CHD1L: variants seen among roughly 807,000 people sequenced by gnomAD.
CHD1L encodes chromodomain helicase DNA binding protein 1 like, also known as ATP-dependent chromatin remodeler CHD1L.
In CHD1L, 118 loss-of-function variants were observed where a neutral mutation model predicts 115.9. The ratio of observed to expected loss-of-function variants is 1.02; its 90% confidence interval spans 0.88 to 1.19. The LOEUF is 1.19. Ranked by LOEUF, CHD1L falls within the 50% of genes most tolerant of loss-of-function variation. The pLI is 0.00. For synonymous variants in CHD1L, 411 were observed against 387.1 expected (o/e 1.06, Z -0.72); for missense variants, 1,179 against 1,065.3 (o/e 1.11, Z -1.49).
Position 147,293,702 on chromosome 1 carries a change from TAGC to T in CHD1L, c.2491_2493del (p.Ala831del). On this transcript the variant is annotated inframe_deletion, in exon 21 of 23. Coordinates refer to ENST00000369258, the MANE Select transcript of CHD1L (RefSeq NM_004284.6). The stretch of plus-strand genomic sequence containing the variant: ...GAAGAGGGCCTGAAGAAGATATTTT[TAGC>T]AGCAAAAAAGAAGAAAGGTAAGCTC... The T allele has an allele frequency of 6.2e-7, 1 of 1,613,942 alleles. No individual in the cohort carries two copies. The highest frequency in any genetic ancestry group is 8.5e-7 in the Non-Finnish European group (1 of 1,179,842).
At chr1:147,203,813 G>A in the CHD1L span, 9 of 1,553,372 alleles carry the variant, frequency 5.8e-6, no homozygotes, top group Admixed American at 1.7e-5. Context: ...AAGTACTATG[G>A]TAGAAATGAT....
the CHD1L span, among the ~76,000 whole-genome samples, chr1:147,191,715 A>G: frequency 6.6e-6 from 1 of 151,674 alleles, no homozygotes; most frequent in Non-Finnish European, 1.5e-5. Context: ...ATCCAGTTTC[A>G]GCTTTCTACA....
the CHD1L span, chr1:147,203,249 A>C: frequency 7.8e-7 from 1 of 1,280,588 alleles, no homozygotes; most frequent in Non-Finnish European, 1.1e-6. Context: ...TACAGCCTTC[A>C]CCTACAGTAA....
chr1:147,273,068 T>C (rs765498734), intron 12 of CHD1L, among the ~76,000 whole-genome samples: 4 of 152,086 alleles, frequency 2.6e-5, no homozygotes, highest in Non-Finnish European at 4.4e-5. Context: ...CTGGATGTAG[T>C]GGTGCGTGCC....
At chr1:147,184,367 C>T in the CHD1L span, 2 of 1,046,598 alleles carry the variant, frequency 1.9e-6, no homozygotes, top group East Asian at 3.1e-5. This position sits in a 1 kb window ranked among gnomAD's most constrained non-coding sequence, Gnocchi z 4.4. Context: ...TTTGTCACAA[C>T]TAATAAACCA....
At chr1:147,293,548 C>A in intron 20 of CHD1L, 60 bp from the exon 21 acceptor site, 1 of 1,437,266 alleles carries the variant, frequency 7.0e-7, no homozygotes, top group Non-Finnish European at 9.8e-7. Context: ...CATGGGCGGT[C>A]ACTTGGTTGA....
intron 8 of CHD1L, among the ~76,000 whole-genome samples, chr1:147,266,827 CATT>C (rs1674114373): frequency 6.6e-6 from 1 of 152,174 alleles, no homozygotes; most frequent in Admixed American, 6.5e-5. Flanking sequence ...CTGTCTGTGA[CATT>C]GTGAATAGAA....
rs368838337 is a variant in CHD1L, at chr1:147,284,477, G to A, written c.1832G>A (p.Arg611Gln). The A allele has an allele frequency of 1.0e-5, 16 of 1,602,784 alleles. No individual in the cohort carries two copies. In the African/African-American group the frequency reaches 1.1e-4, roughly 11 times the overall value. Residue 611 changes from arginine to glutamine, a missense_variant, in exon 16 of 23, where the codon CGA becomes CAA. Physicochemically the swap from Arg to Gln is conservative, Grantham distance 43. Transcript: ENST00000369258. ...TLLEKASQEG[R>Q]SLRNKGSVLI... ...TTGGAGAAAGCTAGTCAAGAGGGCCGATCACTCCGAAATAAAGGCAGTGTA... is the reference window on the plus strand; with the variant it reads ...TTGGAGAAAGCTAGTCAAGAGGGCCAATCACTCCGAAATAAAGGCAGTGTA...
intron 7 of CHD1L, 27 bp downstream of exon 7, chr1:147,264,611 C>G: frequency 2.5e-6 from 4 of 1,609,156 alleles, no homozygotes; most frequent in Non-Finnish European, 3.4e-6. Flanking sequence ...CAAATCATCC[C>G]CAAGAAGCCT....
At chr1:147,254,354 C>T (rs952748029) in intron 2 of CHD1L, among the ~76,000 whole-genome samples, 7 of 151,994 alleles carry the variant, frequency 4.6e-5, no homozygotes, top group African/African-American at 7.3e-5. Flanking sequence ...AAATAGAAGA[C>T]ACCCTGTAAA....
the CHD1L span, among the ~76,000 whole-genome samples, chr1:147,177,337 T>C: frequency 2.0e-5 from 3 of 152,136 alleles, no homozygotes; most frequent in Admixed American, 2.0e-4. Context: ...AATTATAAAA[T>C]AAGATCCATG....
the CHD1L span, among the ~76,000 whole-genome samples, chr1:147,200,996 C>G: frequency 6.6e-6 from 1 of 152,170 alleles, no homozygotes; most frequent in Non-Finnish European, 1.5e-5. Context: ...TAAATTGCTA[C>G]TTTAGATTCA....
chr1:147,267,297 G>A (rs1674305556), intron 8 of CHD1L, 129 bp from the exon 9 acceptor site: 1 of 553,122 alleles, frequency 1.8e-6, no homozygotes, highest in Non-Finnish European at 3.1e-6. Flanking sequence ...GTGAAATTTG[G>A]GAGGTTAGTA....
chr1:147,185,881 C>T, the CHD1L span, among the ~76,000 whole-genome samples: 1 of 152,130 alleles, frequency 6.6e-6, no homozygotes, highest in African/African-American at 2.4e-5. Flanking sequence ...ATTTCATTTG[C>T]TCTGTTTTTC....
the CHD1L span, among the ~76,000 whole-genome samples, chr1:147,206,028 G>A: frequency 0.016 from 2,390 of 151,304 alleles, 68 homozygotes; most frequent in African/African-American, 0.054. Context: ...CTGACAAAGG[G>A]CTAATATCCA....
intron 21 of CHD1L, among the ~76,000 whole-genome samples, chr1:147,294,010 A>G (rs1686623923): frequency 1.3e-5 from 2 of 152,208 alleles, no homozygotes; most frequent in South Asian, 4.1e-4. Context: ...GGTCATATGT[A>G]GTTGGTAAAT....
the CHD1L span, among the ~76,000 whole-genome samples, chr1:147,194,867 C>T: frequency 1.1e-4 from 17 of 152,022 alleles, no homozygotes; most frequent in African/African-American, 3.1e-4. Context: ...GAGTTACTGC[C>T]GAGAGATCTG....
chr1:147,253,911 C>A (rs1382281041), intron 2 of CHD1L, among the ~76,000 whole-genome samples: 7 of 152,212 alleles, frequency 4.6e-5, no homozygotes, highest in Admixed American at 4.6e-4. Context: ...GCATAATATT[C>A]CATCAAGAGA....
At chr1:147,189,188 C>T in the CHD1L span, among the ~76,000 whole-genome samples, 4 of 151,632 alleles carry the variant, frequency 2.6e-5, no homozygotes, top group South Asian at 2.1e-4. Context: ...GCAGGAGAAT[C>T]GCTTGAACCC....
Sources: allele counts gnomAD v4.1 joint callset (sites outside exome capture counted in the v4.1 genomes callset), GRCh38; gene constraint gnomAD v4.1.1; non-coding constraint Gnocchi (gnomAD v3.1); transcripts MANE v1.5; gene names NCBI Gene and HGNC (gene_info 2026-07-23, HGNC 2026-07-21).